Variants in IGF2BP1 observed in about 807,000 individuals in gnomAD.
IGF2BP1 encodes insulin like growth factor 2 mRNA binding protein 1.
In IGF2BP1, 11 loss-of-function variants were observed where a neutral mutation model predicts 74.9. That is an observed-to-expected ratio of 0.15 (90% CI 0.09 to 0.24). The LOEUF is 0.24. Ranked by LOEUF, IGF2BP1 falls within the 10% of genes least tolerant of loss-of-function variation. The pLI is 1.00. For synonymous variants in IGF2BP1, 287 were observed against 281.8 expected (o/e 1.02, Z -0.18); for missense variants, 440 against 757.4 (o/e 0.58, Z 4.92).
chr17:48,999,061 C>A, intron 1 of IGF2BP1, 48 bp from the exon 2 acceptor site: 2 of 1,172,166 alleles, frequency 1.7e-6, no homozygotes, highest in Non-Finnish European at 1.3e-6. Context: ...TTCCCACCCC[C>A]AACCCCTGTT....
At chr17:49,022,023 C>G (rs1598139535) in intron 2 of IGF2BP1, among the ~76,000 whole-genome samples, 1 of 152,224 alleles carries the variant, frequency 6.6e-6, no homozygotes, top group Non-Finnish European at 1.5e-5. Flanking sequence ...AGTCTGGATA[C>G]TCCAGTTCCC....
intron 14 of IGF2BP1, among the ~76,000 whole-genome samples, chr17:49,047,529 A>G (rs770105654): frequency 5.9e-5 from 9 of 151,980 alleles, no homozygotes; most frequent in Non-Finnish European, 8.8e-5. Context: ...TTTTTTTTTA[A>G]AGAGAGTAAA....
upstream of IGF2BP1, among the ~76,000 whole-genome samples, chr17:48,997,214 C>G (rs1257672592): frequency 6.6e-6 from 1 of 152,002 alleles, no homozygotes; most frequent in Admixed American, 6.6e-5. This position sits in a 1 kb window ranked among gnomAD's most constrained non-coding sequence, Gnocchi z 4.8. Flanking sequence ...GGGACGCTGC[C>G]GCACCGCCCC....
chr17:49,042,632 T>G (rs2042064389), intron 9 of IGF2BP1, among the ~76,000 whole-genome samples: 1 of 152,186 alleles, frequency 6.6e-6, no homozygotes, highest in African/African-American at 2.4e-5. Flanking sequence ...AATTTGTGTT[T>G]GTGTGCACTT....
intron 2 of IGF2BP1, among the ~76,000 whole-genome samples, chr17:49,020,747 ACTT>A (rs967392344): frequency 2.8e-4 from 43 of 152,302 alleles, no homozygotes; most frequent in South Asian, 2.7e-3. Flanking sequence ...TAAGCTATTA[ACTT>A]CTTCTTCCAG....
At position 48,997,531 on chromosome 17, in the gene IGF2BP1, A is replaced by T. The variant is rs925805068; in HGVS notation, c.-215A>T. The T allele has an allele frequency of 4.8e-5, 25 of 518,620 alleles. No individual in the cohort carries two copies. The African/African-American group carries it at 5.0e-4, about 10-fold the overall frequency. The allele number at this position is 518,620 out of a possible 1,614,324, so 32.1% of individuals were successfully genotyped here. A position where few individuals can be genotyped will look rare whatever the true frequency, so the allele number is the denominator to read the frequency against. On this transcript the variant is annotated 5_prime_UTR_variant, in exon 1 of 15. Coordinates refer to ENST00000290341, the MANE Select transcript of IGF2BP1 (RefSeq NM_006546.4). The surrounding 1 kb of genome is among the most constrained non-coding windows in gnomAD (Gnocchi z 4.8). ...GTCCGTCTCCCTGCGCGCCGCGGGC[A>T]CTTCTCCTGGGCTCTCCCCGAACTC...
rs376604495 is a variant in IGF2BP1, at chr17:49,040,029, C to T, written c.756C>T (p.Gly252=). Residue 252 remains glycine, a synonymous_variant, in exon 7 of 15, where the codon GGC becomes GGT. Coordinates refer to ENST00000290341, the MANE Select transcript of IGF2BP1 (RefSeq NM_006546.4). ...TCAGTGTGCACTCCACCCCTGAGGGCTGCTCCTCCGCTTGTAAGATGATCT... is the reference window on the plus strand; with the variant it reads ...TCAGTGTGCACTCCACCCCTGAGGGTTGCTCCTCCGCTTGTAAGATGATCT... ...KAISVHSTPE[G]CSSACKMILE... The T allele has an allele frequency of 7.4e-6, 12 of 1,613,984 alleles. No homozygotes were observed. The highest frequency in any genetic ancestry group is 6.7e-5 in the East Asian group (3 of 44,878).
chr17:48,999,125 A>C lies in IGF2BP1; in HGVS notation c.192A>C (p.Gln64His). The C allele has an allele frequency of 1.3e-6, 2 of 1,516,602 alleles. No homozygotes were observed. Among genetic ancestry groups the C allele is most frequent in the Non-Finnish European group, 1.8e-6 (2 of 1,118,252 alleles). The allele number at this position is 1,516,602 out of a possible 1,614,324, so 93.9% of individuals were successfully genotyped here. Residue 64 changes from glutamine (Q) to histidine (H), a missense_variant, in exon 2 of 15, where the codon CAA becomes CAC. Physicochemically the swap from Gln to His is conservative, Grantham distance 24. Around this residue, in one of 5 missense-constraint regions of IGF2BP1, gnomAD observed 105 missense variants for 199.4 expected, o/e 0.53. Transcript: ENST00000290341. ...AATCTTTAGGGAAAGTAGAATTACA[A>C]GGAAAACGCTTAGAGATTGAACATT... ...IETFSGKVEL[Q>H]GKRLEIEHSV...
chr17:49,020,253 A>T (rs1598137799), intron 2 of IGF2BP1, among the ~76,000 whole-genome samples: 1 of 151,964 alleles, frequency 6.6e-6, no homozygotes, highest in Admixed American at 6.6e-5. Flanking sequence ...CATGTTGGCC[A>T]GGCTGGTCTT....
intron 6 of IGF2BP1, among the ~76,000 whole-genome samples, chr17:49,039,450 C>G (rs1211622515): frequency 1.3e-5 from 2 of 151,912 alleles, no homozygotes; most frequent in African/African-American, 2.4e-5. Context: ...TTTTTTGAGG[C>G]AGAGTCTCAC....
chr17:49,011,137 C>CAAAAAAAAAAA (rs61620827), intron 2 of IGF2BP1, among the ~76,000 whole-genome samples: 11 of 57,314 alleles, frequency 1.9e-4, no homozygotes, highest in African/African-American at 6.6e-4. Context: ...GACTCTGTCT[C>CAAAAAAAAAAA]AAAAAAAAAA....
rs147574043 is a variant in IGF2BP1 at position 49,028,509 on chromosome 17, T to C, written c.337+1992T>C. 3.0e-4 allele frequency among the ~76,000 whole-genome samples: 46 copies of C among 152,282 alleles called. 1 individual carries two copies. The Middle Eastern group carries it at 0.014, about 45-fold the overall frequency. ...AACTACTGCCCAGTACTGTTCACAG[T>C]TTAGACTAATGAATAAGTTACTCCT... On this transcript the variant is annotated intron_variant, in intron 4 of 14. Transcript: ENST00000290341.
chr17:49,040,990 G>A (rs1238377053), intron 7 of IGF2BP1, among the ~76,000 whole-genome samples: 1 of 152,104 alleles, frequency 6.6e-6, no homozygotes, highest in East Asian at 1.9e-4. Flanking sequence ...ACCAGCCTGG[G>A]CAACATAGTG....
At chr17:49,037,735 A>G (rs922370715) in intron 5 of IGF2BP1, among the ~76,000 whole-genome samples, 2 of 152,188 alleles carry the variant, frequency 1.3e-5, no homozygotes, top group Admixed American at 6.5e-5. Flanking sequence ...ACCCTGTAGT[A>G]GGGATTCCTC....
At chr17:49,037,656 A>G (rs1020321464) in intron 5 of IGF2BP1, among the ~76,000 whole-genome samples, 2 of 152,214 alleles carry the variant, frequency 1.3e-5, no homozygotes, top group African/African-American at 2.4e-5. Flanking sequence ...ATACATTTCA[A>G]TCTCCTTTGA....
rs2042183349 is a variant in IGF2BP1 at position 49,052,879 on chromosome 17, T to C, written c.*3435T>C. 6.6e-6 allele frequency: 1 copy of C among 152,462 alleles called. No individual in the cohort carries two copies. Among genetic ancestry groups the C allele is most frequent in the Non-Finnish European group, 1.5e-5 (1 of 68,036 alleles). 9.4% of individuals were successfully genotyped at this position (152,462 alleles called of 1,614,324 possible). On this transcript the variant is annotated 3_prime_UTR_variant, in exon 15 of 15. Transcript: ENST00000290341. The stretch of plus-strand genomic sequence containing the variant: ...TATTTTTAAGAAAGGACCATCTCTT[T>C]AGGATATATTTTTAAATTCTTTGAA...
At chr17:49,043,880 C>G in intron 10 of IGF2BP1, 87 bp from the exon 11 acceptor site, 1 of 1,548,786 alleles carries the variant, frequency 6.5e-7, no homozygotes. Context: ...GTACTCCTTC[C>G]TCCTTGAGGA....
At chr17:49,049,220 C>CTT in intron 14 of IGF2BP1, 132 bp from the exon 15 acceptor site, 1 of 684,394 alleles carries the variant, frequency 1.5e-6, no homozygotes, top group African/African-American at 1.8e-5. Context: ...CATTCTTCCT[C>CTT]TTTATCTTTC....
chr17:49,029,393 A>G (rs2041895335), intron 4 of IGF2BP1, among the ~76,000 whole-genome samples: 1 of 152,144 alleles, frequency 6.6e-6, no homozygotes, highest in African/African-American at 2.4e-5. Context: ...GATGGGAGGA[A>G]TAGCTTTAGC....
Sources: allele counts gnomAD v4.1 joint callset (sites outside exome capture counted in the v4.1 genomes callset), GRCh38; gene constraint gnomAD v4.1.1; regional missense constraint gnomAD v4.1.1; non-coding constraint Gnocchi (gnomAD v3.1); transcripts MANE v1.5; gene names NCBI Gene and HGNC (gene_info 2026-07-23, HGNC 2026-07-21).